Variants in OR4D1 observed in about 807,000 individuals in gnomAD.
OR4D1 encodes olfactory receptor 4D1.
OR4D1 carries 10 observed loss-of-function variants against 14.2 expected under a neutral mutation model. The observed-to-expected ratio is 0.71, with a 90% confidence interval of 0.44 to 1.20. The LOEUF is 1.20. Among genes scored for constraint, OR4D1 ranks in the 50% most tolerant of loss-of-function variants. The pLI is 0.00. For synonymous variants in OR4D1, 141 were observed against 147.4 expected, an observed-to-expected ratio of 0.96 and a Z score of 0.32; for missense variants, 345 against 376.6, an observed-to-expected ratio of 0.92 and a Z score of 0.70.
At chr17:58,149,833 G>A (rs150684656) in intron 2 of OR4D1, 37 bp downstream of exon 2, 46 of 152,212 alleles carry the variant, frequency 3.0e-4, no homozygotes, top group African/African-American at 1.0e-3. Flanking sequence ...GCAAATTCTG[G>A]GTCAATCAGA....
chr17:58,157,522 C>A lies in OR4D1; in HGVS notation c.*1436C>A. On this transcript the variant is annotated 3_prime_UTR_variant, in exon 4 of 4. Coordinates refer to ENST00000268912, the MANE Select transcript of OR4D1 (RefSeq NM_001386095.1). ...ACCTCTCCATTGCAGAGGGTGCGGA[C>A]TTCTCCAGCTCTCCGAACCTCACGG... The A allele has an allele frequency of 1.5e-6, 2 of 1,340,172 alleles. No individual in the cohort carries two copies. Among genetic ancestry groups the A allele is most frequent in the Non-Finnish European group, 2.1e-6 (2 of 931,682 alleles). 83.0% of individuals were successfully genotyped at this position (1,340,172 alleles called of 1,614,324 possible).
Position 58,157,922 on chromosome 17 carries a change from TAA to T in OR4D1, c.*1837_*1838del. The T allele has an allele frequency of 1.0e-6, 1 of 1,003,176 alleles. No homozygotes were observed. Among genetic ancestry groups the T allele is most frequent in the South Asian group, 1.4e-5 (1 of 73,490 alleles). 62.1% of individuals were successfully genotyped at this position (1,003,176 alleles called of 1,614,324 possible). ...TCTGCAAACCCTGAGTGCACCACCC[TAA>T]GCGGCTAGGCCGGCAGGGCCACACG... On this transcript the variant is annotated 3_prime_UTR_variant, in exon 4 of 4. Transcript: ENST00000268912.
intron 2 of OR4D1, among the ~76,000 whole-genome samples, chr17:58,150,913 TCTTAC>T (rs747813860): frequency 5.4e-4 from 83 of 152,302 alleles, no homozygotes; most frequent in Non-Finnish European, 9.3e-4. Context: ...GTTTTTCAGC[TCTTAC>T]CTTTTCTTTT....
In OR4D1 at chr17:58,153,736, C is replaced by T. The variant is rs1967730460; in HGVS notation, c.-126-121C>T. Among the ~76,000 whole-genome samples, 2 of 152,160 alleles carry T rather than the reference C, an allele frequency of 1.3e-5. 1 individual carries two copies. Among genetic ancestry groups the T allele is most frequent in the South Asian group, 4.1e-4 (2 of 4,824 alleles). On this transcript the variant is annotated intron_variant, in intron 2 of 3. Coordinates refer to ENST00000268912, the MANE Select transcript of OR4D1 (RefSeq NM_001386095.1). ...GAAAATACTTGTGGAAAGGTATAATCCAAAAGAATGGGTTTTAACACCAAG... is the reference window on the plus strand; with the variant it reads ...GAAAATACTTGTGGAAAGGTATAATTCAAAAGAATGGGTTTTAACACCAAG...
chr17:58,155,434 A>C lies in OR4D1; in HGVS notation c.281A>C (p.Tyr94Ser). The C allele has an allele frequency of 6.8e-6, 11 of 1,614,128 alleles. No homozygotes were observed. The highest frequency in any genetic ancestry group is 9.3e-6 in the Non-Finnish European group (11 of 1,180,018). The change falls in exon 4 of 4, where the codon TAC (tyrosine) becomes TCC (serine). Residue 94 changes from tyrosine (Y) to serine (S), a missense_variant. Coordinates refer to ENST00000268912, the MANE Select transcript of OR4D1 (RefSeq NM_001386095.1). ...CTCCATGAGACCAAGACGATCTCCT[A>C]CCAGGGCTGCATGGCCCAGATCTTC... ...DFLHETKTIS[Y>S]QGCMAQIFFF...
rs2143667487 is a variant in OR4D1 at position 58,159,343 on chromosome 17, CCT to C, written c.*3259_*3260del. 1.3e-5 allele frequency: 2 copies of C among 152,332 alleles called. No individual in the cohort carries two copies. Among genetic ancestry groups the C allele is most frequent in the East Asian group, 3.9e-4 (2 of 5,186 alleles). The allele number at this position is 152,332 out of a possible 1,614,324, so 9.4% of individuals were successfully genotyped here. Reference sequence around the variant, plus strand: ...AAGAGGTGATTAGGCCATGAGGATTCCTCCCTTATTAATGGGATTAAGGCCTT... The same window carrying C: ...AAGAGGTGATTAGGCCATGAGGATTCCCCTTATTAATGGGATTAAGGCCTT... On this transcript the variant is annotated 3_prime_UTR_variant, in exon 4 of 4. Transcript: ENST00000268912.
At chr17:58,148,896 C>G (rs1967665023) in intron 1 of OR4D1, among the ~76,000 whole-genome samples, 1 of 152,138 alleles carries the variant, frequency 6.6e-6, no homozygotes, top group South Asian at 2.1e-4. Context: ...CTCCATCTTC[C>G]CCCTTCTCCT....
Position 58,157,363 on chromosome 17 carries a change from T to C in OR4D1, c.*1277T>C. ...GGCGTGGATGCAGGAACCCTGCTGA[T>C]AATTCGCCGCCGCCAAGACACGTGA... On this transcript the variant is annotated 3_prime_UTR_variant, in exon 4 of 4. Coordinates refer to ENST00000268912, the MANE Select transcript of OR4D1 (RefSeq NM_001386095.1). 7.2e-7 allele frequency: 1 copy of C among 1,392,146 alleles called. No homozygotes were observed. Among genetic ancestry groups the C allele is most frequent in the East Asian group, 2.5e-5 (1 of 40,754 alleles). The allele number at this position is 1,392,146 out of a possible 1,614,324, so 86.2% of individuals were successfully genotyped here.
chr17:58,150,519 G>T (rs1453076048), intron 2 of OR4D1, among the ~76,000 whole-genome samples: 2 of 152,200 alleles, frequency 1.3e-5, no homozygotes, highest in Non-Finnish European at 2.9e-5. Flanking sequence ...ATAACAGACA[G>T]AAATAGGAGA....
At chr17:58,154,815 C>G (rs894578057) in intron 3 of OR4D1, among the ~76,000 whole-genome samples, 14 of 152,160 alleles carry the variant, frequency 9.2e-5, no homozygotes, top group Non-Finnish European at 1.6e-4. Context: ...CTTTATGGAA[C>G]CTATGGTTCA....
At chr17:58,153,581 C>T (rs958687632) in intron 2 of OR4D1, among the ~76,000 whole-genome samples, 1 of 152,132 alleles carries the variant, frequency 6.6e-6, no homozygotes, top group Non-Finnish European at 1.5e-5. Context: ...CCAATTCCCA[C>T]GTAACAGCAT....
intron 2 of OR4D1, among the ~76,000 whole-genome samples, chr17:58,152,888 T>C (rs1183857732): frequency 6.6e-6 from 1 of 152,074 alleles, no homozygotes; most frequent in Non-Finnish European, 1.5e-5. Context: ...TGAACTGAGA[T>C]TGCACCACTG....
chr17:58,153,326 G>T (rs1237461158), intron 2 of OR4D1, among the ~76,000 whole-genome samples: 1 of 152,194 alleles, frequency 6.6e-6, no homozygotes, highest in Non-Finnish European at 1.5e-5. Context: ...AGCTTGCCGG[G>T]GTTCTCAGTT....
intron 1 of OR4D1, among the ~76,000 whole-genome samples, chr17:58,148,926 T>C (rs1967665308): frequency 1.3e-5 from 2 of 152,178 alleles, no homozygotes; most frequent in African/African-American, 4.8e-5. Flanking sequence ...TCTCACTCAC[T>C]CCAGATTTTC....
In OR4D1 at chr17:58,157,917, C is replaced by A; in HGVS notation, c.*1831C>A. On this transcript the variant is annotated 3_prime_UTR_variant, in exon 4 of 4. Transcript: ENST00000268912. ...CCTGTTCTGCAAACCCTGAGTGCAC[C>A]ACCCTAAGCGGCTAGGCCGGCAGGG... The A allele has an allele frequency of 1.9e-6, 2 of 1,055,428 alleles. No individual in the cohort carries two copies. The highest frequency in any genetic ancestry group is 1.4e-6 in the Non-Finnish European group (1 of 696,608). 65.4% of individuals were successfully genotyped at this position (1,055,428 alleles called of 1,614,324 possible).
chr17:58,154,444 G>A (rs1026888533), intron 3 of OR4D1, among the ~76,000 whole-genome samples: 1 of 152,080 alleles, frequency 6.6e-6, no homozygotes, highest in South Asian at 2.1e-4. Context: ...TTTGTCCTGG[G>A]CTTCTTTGAA....
In OR4D1 at chr17:58,158,735, T is replaced by G. The variant is rs1198783421; in HGVS notation, c.*2649T>G. 6.6e-6 allele frequency: 1 copy of G among 152,252 alleles called. No individual in the cohort carries two copies. The highest frequency in any genetic ancestry group is 1.5e-5 in the Non-Finnish European group (1 of 68,034). The allele number at this position is 152,252 out of a possible 1,614,324, so 9.4% of individuals were successfully genotyped here. ...TTTGGGTGGGGGGGTACAGTAATTTTCTGCTTAAAAAATGAGTACCTTGTA... is the reference window on the plus strand; with the variant it reads ...TTTGGGTGGGGGGGTACAGTAATTTGCTGCTTAAAAAATGAGTACCTTGTA... On this transcript the variant is annotated 3_prime_UTR_variant, in exon 4 of 4. Coordinates refer to ENST00000268912, the MANE Select transcript of OR4D1 (RefSeq NM_001386095.1).
At chr17:58,150,574 A>G (rs189183637) in intron 2 of OR4D1, among the ~76,000 whole-genome samples, 13 of 152,296 alleles carry the variant, frequency 8.5e-5, no homozygotes, top group African/African-American at 3.1e-4. Context: ...AGCAAGAATG[A>G]TTTCATAATA....
Position 58,149,675 on chromosome 17 carries a change from G to C in OR4D1, c.-248G>C, listed in dbSNP as rs1180014976. On this transcript the variant is annotated 5_prime_UTR_variant, in exon 2 of 4. Transcript: ENST00000268912. ...AACCTTGAAGGAAGGGTAGAATTCA[G>C]ACAGGTGAACAGGACAGAAAAGCAA... 5 of 152,244 alleles carry C rather than the reference G, an allele frequency of 3.3e-5. No individual in the cohort carries two copies. Among genetic ancestry groups the C allele is most frequent in the Non-Finnish European group, 7.3e-5 (5 of 68,064 alleles). 9.4% of individuals were successfully genotyped at this position (152,244 alleles called of 1,614,324 possible). A position where few individuals can be genotyped will look rare whatever the true frequency, so the allele number is the denominator to read the frequency against.
Sources: allele counts gnomAD v4.1 joint callset (sites outside exome capture counted in the v4.1 genomes callset), GRCh38; gene constraint gnomAD v4.1.1; transcripts MANE v1.5; gene names NCBI Gene and HGNC (gene_info 2026-07-23, HGNC 2026-07-21).